Variants in SPATA24 observed in about 807,000 individuals in gnomAD.
The protein encoded by SPATA24 is spermatogenesis associated 24.
In SPATA24, 21 loss-of-function variants were observed where a neutral mutation model predicts 28.9. The observed-to-expected ratio is 0.73, with a 90% CI of 0.52 to 1.05. The LOEUF (loss-of-function observed/expected upper bound fraction) is 1.05. Among genes scored for constraint, SPATA24 ranks in the 50% least tolerant of loss-of-function variants. The probability of loss-of-function intolerance (pLI) is 0.00; values close to 1 mark genes in which losing one functional copy is unlikely to be tolerated. For missense variants in SPATA24, 215 were observed against 242.9 expected (o/e 0.88, Z 0.76); for synonymous variants, 76 against 89.9 (o/e 0.85, Z 0.88).
At chr5:139,395,191 C>A (rs1581397446), downstream of SPATA24, 9 of 1,140,720 alleles carry the variant, frequency 7.9e-6, no homozygotes, top group Middle Eastern at 3.1e-4. Flanking sequence ...CGCCTTAAAG[C>A]GGCCGCGTCC....
chr5:139,402,012 G>A lies in SPATA24; in HGVS notation c.217C>T (p.Leu73Phe). ...AACTTCTCCTCTTCCTTGGCCAGGA[G>A]GACCTTGGTTTTGGCATGGGCAGCT... ...EKAAHAKTKVLLAKEEEKLQF... is the reference protein window; with the variant it reads ...EKAAHAKTKVFLAKEEEKLQF... The change falls in exon 3 of 6, where the codon CTC (leucine) becomes TTC (phenylalanine). Residue 73 changes from leucine (L) to phenylalanine (F), a missense_variant. By Grantham distance (22) the Leu-to-Phe change is conservative. Transcript: ENST00000450845. 1 of 1,551,494 alleles carries A rather than the reference G, an allele frequency of 6.4e-7. No homozygotes were observed. Among genetic ancestry groups the A allele is most frequent in the Non-Finnish European group, 8.7e-7 (1 of 1,146,964 alleles).
chr5:139,394,951 G>A, downstream of SPATA24: 1 of 1,519,904 alleles, frequency 6.6e-7, no homozygotes. Flanking sequence ...CCCAACGTCC[G>A]GGGGCTCCGG....
At chr5:139,395,413 G>A (rs1228104053), downstream of SPATA24, 10 of 276,810 alleles carry the variant, frequency 3.6e-5, no homozygotes, top group East Asian at 6.4e-4. Flanking sequence ...CCTATCACAG[G>A]TGAGGAAACT....
downstream of SPATA24, chr5:139,394,929 T>C (rs1224128262): frequency 2.6e-6 from 4 of 1,519,602 alleles, no homozygotes; most frequent in South Asian, 3.7e-5. Context: ...TCGCTGGGCC[T>C]TTCGCGTCCG....
downstream of SPATA24, chr5:139,394,945 A>C (rs1320822128): frequency 6.6e-7 from 1 of 1,521,160 alleles, no homozygotes; most frequent in East Asian, 2.7e-5. Flanking sequence ...GTCCGGCCCA[A>C]CGTCCGGGGG....
downstream of SPATA24, chr5:139,396,685 C>T: frequency 6.5e-7 from 1 of 1,542,988 alleles, no homozygotes; most frequent in East Asian, 2.5e-5. Flanking sequence ...CCTTGTGGAC[C>T]CCTACCACTA....
Position 139,397,153 on chromosome 5 carries a change from A to G in SPATA24, c.386-10T>C, listed in dbSNP as rs914633731. 1.0e-5 allele frequency: 16 copies of G among 1,547,862 alleles called. No individual in the cohort carries two copies. The highest frequency in any genetic ancestry group is 1.4e-5 in the Non-Finnish European group (16 of 1,143,466). Reference sequence around the variant, plus strand: ...ATGTGAGACTCAATCTCTGTGGGGGAGAGAGGCAGGGAGGAGGGGTGGTTC... The same window carrying G: ...ATGTGAGACTCAATCTCTGTGGGGGGGAGAGGCAGGGAGGAGGGGTGGTTC... On this transcript the variant is annotated splice_polypyrimidine_tract_variant and intron_variant, in intron 4 of 5. Coordinates refer to ENST00000450845, the MANE Select transcript of SPATA24 (RefSeq NM_194296.2).
downstream of SPATA24, chr5:139,393,410 C>G (rs953970607): frequency 1.3e-6 from 2 of 1,551,586 alleles, no homozygotes; most frequent in African/African-American, 2.7e-5. Context: ...TCTGTTGGTT[C>G]TGGAGTGCCG....
chr5:139,402,113 GC>G, intron 2 of SPATA24, 68 bp from the exon 3 acceptor site: 1 of 1,500,630 alleles, frequency 6.7e-7, no homozygotes. Context: ...CCCTTAACCA[GC>G]CCCCCTTCTC....
downstream of SPATA24, chr5:139,393,851 A>T: frequency 6.4e-7 from 1 of 1,551,196 alleles, no homozygotes; most frequent in East Asian, 2.4e-5. Context: ...TTCTGGGGCG[A>T]CGGGCAGCGA....
chr5:139,398,495 C>A (rs1278485241), intron 4 of SPATA24, among the ~76,000 whole-genome samples: 1 of 152,096 alleles, frequency 6.6e-6, no homozygotes, highest in Non-Finnish European at 1.5e-5. Flanking sequence ...ATCACTTGAG[C>A]TCAGGAGTTG....
chr5:139,401,847 G>A lies in SPATA24; in HGVS notation c.315-22C>T. ...GAGCCTGGGTGGGGAAGATAAGATG[G>A]GAGGGTGGGCAGGCTAGCAAGCAGA... On this transcript the variant is annotated intron_variant, in intron 3 of 5. Coordinates refer to ENST00000450845, the MANE Select transcript of SPATA24 (RefSeq NM_194296.2). 5 of 1,548,214 alleles carry A rather than the reference G, an allele frequency of 3.2e-6. No homozygotes were observed. In the South Asian group the frequency reaches 6.0e-5, roughly 18 times the overall value.
downstream of SPATA24, chr5:139,393,968 T>A (rs1257728657): frequency 1.3e-6 from 2 of 1,550,664 alleles, no homozygotes; most frequent in Admixed American, 3.9e-5. Context: ...AAAGGCGGAC[T>A]CCGTGCCCTC....
At chr5:139,401,542 G>A (rs949151099) in intron 4 of SPATA24, 62 of 681,322 alleles carry the variant, frequency 9.1e-5, no homozygotes, top group African/African-American at 6.0e-4. Context: ...CCTTTATGGC[G>A]GTGAAGAATA....
intron 4 of SPATA24, among the ~76,000 whole-genome samples, chr5:139,400,375 T>C (rs993246067): frequency 1.3e-5 from 2 of 149,364 alleles, no homozygotes; most frequent in African/African-American, 4.9e-5. Context: ...GGCATGATCC[T>C]GGCTCACTGC....
At chr5:139,397,786 C>G (rs961519687) in intron 4 of SPATA24, among the ~76,000 whole-genome samples, 2 of 152,148 alleles carry the variant, frequency 1.3e-5, no homozygotes, top group Non-Finnish European at 2.9e-5. Context: ...AACTTCTGAC[C>G]TCAGGTGATC....
downstream of SPATA24, chr5:139,393,173 GCGCGTA>G: frequency 1.3e-6 from 2 of 1,548,820 alleles, no homozygotes; most frequent in South Asian, 2.4e-5. Flanking sequence ...GGGAAGCCTG[GCGCGTA>G]CGTGGTCTTC....
chr5:139,395,174 G>C, downstream of SPATA24: 1 of 1,265,986 alleles, frequency 7.9e-7, no homozygotes, highest in Non-Finnish European at 1.0e-6. Context: ...TGCCGTGGGG[G>C]TCACCGCGCC....
At chr5:139,397,643 C>G (rs886578812) in intron 4 of SPATA24, among the ~76,000 whole-genome samples, 1 of 152,116 alleles carries the variant, frequency 6.6e-6, no homozygotes, top group Non-Finnish European at 1.5e-5. Context: ...CAACCTCCAC[C>G]TCCTGAGTTC....
Sources: allele counts gnomAD v4.1 joint callset (sites outside exome capture counted in the v4.1 genomes callset), GRCh38; gene constraint gnomAD v4.1.1; transcripts MANE v1.5; gene names NCBI Gene and HGNC (gene_info 2026-07-23, HGNC 2026-07-21).